The following DEPTOR variants were observed in gnomAD, a reference collection of about 807,000 sequenced individuals.
DEPTOR encodes DEP domain-containing mTOR-interacting protein.
DEPTOR carries 41 observed loss-of-function variants against 41.6 expected under a neutral mutation model. That is an observed-to-expected ratio of 0.98 (90% CI 0.77 to 1.28). The LOEUF (loss-of-function observed/expected upper bound fraction) is 1.28. Among genes scored for constraint, DEPTOR ranks in the 50% most tolerant of loss-of-function variants. The pLI is 0.00. For missense variants in DEPTOR, 514 were observed against 527.9 expected (o/e 0.97, Z 0.26); for synonymous variants, 195 against 192.3 (o/e 1.01, Z -0.12).
At chr8:120,048,968 T>A (rs1813192550) in intron 8 of DEPTOR, among the ~76,000 whole-genome samples, 1 of 152,194 alleles carries the variant, frequency 6.6e-6, no homozygotes, top group Non-Finnish European at 1.5e-5. Flanking sequence ...CTCTTCCCAG[T>A]ACTCTCCAAT....
chr8:119,889,284 C>T (rs563374734), intron 1 of DEPTOR, among the ~76,000 whole-genome samples: 51 of 151,794 alleles, frequency 3.4e-4, no homozygotes, highest in Non-Finnish European at 1.3e-4. Context: ...CAGTGGCTCA[C>T]GTCTGTGATC....
At chr8:119,993,243 A>G (rs1314192329) in intron 4 of DEPTOR, among the ~76,000 whole-genome samples, 4 of 152,206 alleles carry the variant, frequency 2.6e-5, no homozygotes, top group Admixed American at 2.0e-4. Flanking sequence ...CTAACGGTGT[A>G]TAGGGATCTG....
intron 1 of DEPTOR, among the ~76,000 whole-genome samples, chr8:119,878,083 A>G (rs925382665): frequency 1.3e-5 from 2 of 151,930 alleles, no homozygotes; most frequent in Non-Finnish European, 2.9e-5. Flanking sequence ...GGCACGCCCT[A>G]TTTTCTATTT....
intron 1 of DEPTOR, among the ~76,000 whole-genome samples, chr8:119,887,041 C>G (rs374591124): frequency 7.3e-5 from 11 of 151,224 alleles, no homozygotes; most frequent in African/African-American, 2.7e-4. Context: ...AATTCATGAC[C>G]TAAAACCACA....
intron 8 of DEPTOR, among the ~76,000 whole-genome samples, chr8:120,018,550 G>A (rs184516608): frequency 6.6e-6 from 1 of 152,142 alleles, no homozygotes; most frequent in African/African-American, 2.4e-5. Flanking sequence ...CTGCGCTCCA[G>A]CTTGTGCAAC....
intron 8 of DEPTOR, among the ~76,000 whole-genome samples, chr8:120,010,571 G>A (rs1423435286): frequency 1.3e-5 from 2 of 150,012 alleles, no homozygotes; most frequent in East Asian, 2.0e-4. Context: ...GGCTGAGATC[G>A]CACCAATGTA....
At chr8:119,993,349 T>A (rs1265908268) in intron 4 of DEPTOR, among the ~76,000 whole-genome samples, 2 of 152,218 alleles carry the variant, frequency 1.3e-5, no homozygotes, top group African/African-American at 4.8e-5. Context: ...GCTTTCTGGC[T>A]ACATCTGCTT....
intron 8 of DEPTOR, among the ~76,000 whole-genome samples, chr8:120,015,117 C>T (rs1186992147): frequency 6.6e-6 from 1 of 152,076 alleles, no homozygotes; most frequent in African/African-American, 2.4e-5. Flanking sequence ...TAATGGCTCC[C>T]CATCACAATA....
At chr8:120,011,146 G>GA (rs1812526507) in intron 8 of DEPTOR, among the ~76,000 whole-genome samples, 1 of 152,158 alleles carries the variant, frequency 6.6e-6, no homozygotes, top group African/African-American at 2.4e-5. Context: ...TTGCATGCTG[G>GA]AAAAAATAAG....
intron 1 of DEPTOR, among the ~76,000 whole-genome samples, chr8:119,903,692 C>T (rs1259863797): frequency 6.6e-6 from 1 of 152,184 alleles, no homozygotes; most frequent in Non-Finnish European, 1.5e-5. Context: ...TCCAGACTGA[C>T]TCCTCTGGAG....
intron 1 of DEPTOR, among the ~76,000 whole-genome samples, chr8:119,894,108 G>T (rs1318192886): frequency 6.6e-6 from 1 of 151,664 alleles, no homozygotes; most frequent in African/African-American, 2.4e-5. Flanking sequence ...TTCCTTTGTT[G>T]CCCAGGCTGA....
At chr8:120,007,088 T>A (rs950010894) in intron 7 of DEPTOR, among the ~76,000 whole-genome samples, 8 of 152,250 alleles carry the variant, frequency 5.3e-5, no homozygotes, top group Non-Finnish European at 8.8e-5. Context: ...CATTTAAAAA[T>A]TTTTTGATGT....
chr8:119,979,163 G>A (rs372794152), intron 4 of DEPTOR, among the ~76,000 whole-genome samples: 6 of 152,154 alleles, frequency 3.9e-5, no homozygotes, highest in South Asian at 4.1e-4. Context: ...GGAAAAATAT[G>A]TGTGTTGATT....
intron 6 of DEPTOR, among the ~76,000 whole-genome samples, chr8:120,003,756 C>T (rs1812391750): frequency 6.6e-6 from 1 of 152,084 alleles, no homozygotes; most frequent in African/African-American, 2.4e-5. Flanking sequence ...CCTTTATATT[C>T]CAGGAAAAAA....
chr8:120,029,302 GA>G (rs1473447754), intron 8 of DEPTOR, among the ~76,000 whole-genome samples: 1 of 152,072 alleles, frequency 6.6e-6, no homozygotes, highest in African/African-American at 2.4e-5. Flanking sequence ...TAAAGAATAG[GA>G]AAATATCCTT....
At chr8:119,979,679 G>A (rs1278141887) in intron 4 of DEPTOR, among the ~76,000 whole-genome samples, 15 of 82,270 alleles carry the variant, frequency 1.8e-4, no homozygotes, top group African/African-American at 7.9e-4. Flanking sequence ...GCGTATCAGG[G>A]TTCATATTCT....
At chr8:119,878,947 C>T (rs1448739054) in intron 1 of DEPTOR, among the ~76,000 whole-genome samples, 1 of 151,254 alleles carries the variant, frequency 6.6e-6, no homozygotes, top group Non-Finnish European at 1.5e-5. Context: ...CCCATCTCTA[C>T]TAAAAATACA....
chr8:119,996,016 A>G (rs73705867), intron 4 of DEPTOR, among the ~76,000 whole-genome samples: 337 of 152,356 alleles, frequency 2.2e-3, no homozygotes, highest in African/African-American at 7.7e-3. Context: ...AAAGACAGAA[A>G]AAAGGCAAAA....
intron 8 of DEPTOR, among the ~76,000 whole-genome samples, chr8:120,045,141 A>G (rs1434775323): frequency 1.3e-5 from 2 of 152,176 alleles, no homozygotes; most frequent in Non-Finnish European, 2.9e-5. Context: ...TGAAATGAGC[A>G]GTTCACGGTG....
Sources: gnomAD v4.1 joint callset for allele counts (sites outside exome capture counted in the v4.1 genomes callset) on GRCh38, gnomAD v4.1.1 for gene constraint, MANE v1.5 for transcripts, NCBI Gene and HGNC (gene_info 2026-07-23, HGNC 2026-07-21) for gene names.